Variants in CUX1 observed in about 807,000 individuals in gnomAD.
CUX1 encodes the protein cut like homeobox 1.
A neutral mutation model predicts 158.8 loss-of-function variants in CUX1; 31 were observed. The observed-to-expected ratio is 0.20, with a 90% CI of 0.15 to 0.26. CUX1 has a LOEUF of 0.26. Ranked by LOEUF, CUX1 falls within the 10% of genes least tolerant of loss-of-function variation. The pLI is 1.00. For synonymous variants in CUX1, 879 were observed against 862.1 expected, an observed-to-expected ratio of 1.02 and a Z score of -0.34; for missense variants, 1,589 against 2,014.6, an observed-to-expected ratio of 0.79 and a Z score of 4.04.
At chr7:102,127,102 G>A (rs541752138) in intron 8 of CUX1, among the ~76,000 whole-genome samples, 5 of 152,248 alleles carry the variant, frequency 3.3e-5, no homozygotes, top group Non-Finnish European at 7.3e-5. Flanking sequence ...TACAGACGAA[G>A]CTTCCCTCCT....
intron 15 of CUX1, chr7:102,274,162 C>A: frequency 7.2e-7 from 1 of 1,390,150 alleles, no homozygotes; most frequent in South Asian, 1.2e-5. Flanking sequence ...CCCACCCTGC[C>A]ATTTGCCTTG....
At chr7:101,868,827 G>T (rs931954761) in intron 1 of CUX1, among the ~76,000 whole-genome samples, 1 of 148,794 alleles carries the variant, frequency 6.7e-6, no homozygotes, top group African/African-American at 2.6e-5. Context: ...CATTTGTCGT[G>T]GGGGGATGGG....
At chr7:101,986,523 C>G (rs901839614) in intron 2 of CUX1, among the ~76,000 whole-genome samples, 2 of 152,166 alleles carry the variant, frequency 1.3e-5, no homozygotes, top group Admixed American at 6.5e-5. Flanking sequence ...CTTAATCTTC[C>G]CAAGGAGGAT....
chr7:101,864,073 G>A (rs4729755), intron 1 of CUX1, among the ~76,000 whole-genome samples: 59,696 of 151,874 alleles, frequency 0.39, 12,967 homozygotes, highest in East Asian at 0.89. Context: ...GTGGAATTCT[G>A]TTTGGGTTGC....
chr7:102,044,409 C>T (rs1413505089), intron 3 of CUX1, among the ~76,000 whole-genome samples: 2 of 150,884 alleles, frequency 1.3e-5, no homozygotes, highest in African/African-American at 2.4e-5. Flanking sequence ...AGGCTGGTCT[C>T]GAACTCCTGA....
In CUX1 at chr7:102,196,587, C is replaced by T. The variant is rs782047704; in HGVS notation, c.1223-47C>T. 2.9e-6 allele frequency: 4 copies of T among 1,396,816 alleles called. No individual in the cohort carries two copies. In the South Asian group the frequency reaches 8.4e-5, roughly 29 times the overall value. 86.5% of individuals were successfully genotyped at this position (1,396,816 alleles called of 1,614,324 possible). A position where few individuals can be genotyped will look rare whatever the true frequency, so the allele number is the denominator to read the frequency against. Reference sequence around the variant, plus strand: ...GCATTTTGGTCTTGGTTTTTTTTTCCCCCTTTGGAATCCCCCATAATGCAT... The same window carrying T: ...GCATTTTGGTCTTGGTTTTTTTTTCTCCCTTTGGAATCCCCCATAATGCAT... On this transcript the variant is annotated intron_variant, in intron 14 of 23. Coordinates refer to ENST00000292535, the MANE Select transcript of CUX1 (RefSeq NM_181552.4).
At chr7:102,246,480 A>G (rs1296403311) in intron 23 of CUX1, among the ~76,000 whole-genome samples, 2 of 152,206 alleles carry the variant, frequency 1.3e-5, no homozygotes, top group African/African-American at 2.4e-5. Flanking sequence ...ACCAGAGTTC[A>G]ATACCCTGGG....
intron 1 of CUX1, among the ~76,000 whole-genome samples, chr7:101,879,796 C>T (rs917593236): frequency 3.3e-5 from 5 of 152,260 alleles, no homozygotes; most frequent in African/African-American, 1.2e-4. Context: ...GCTCCTGCCC[C>T]AAGGCAGCGT....
chr7:102,034,500 A>C (rs542643517), intron 3 of CUX1, among the ~76,000 whole-genome samples: 17 of 152,264 alleles, frequency 1.1e-4, no homozygotes, highest in East Asian at 1.9e-4. Flanking sequence ...CACACCTGTA[A>C]TCCCAGCACT....
At chr7:101,867,210 C>CT (rs1289163916) in intron 1 of CUX1, among the ~76,000 whole-genome samples, 1 of 152,152 alleles carries the variant, frequency 6.6e-6, no homozygotes, top group Non-Finnish European at 1.5e-5. Context: ...GAGCAAGACT[C>CT]TGTCTTGAAA....
At chr7:102,283,502 A>C in exon 23 of CUX1, 2 of 191,014 alleles carry the variant, frequency 1.0e-5, no homozygotes, top group Non-Finnish European at 1.1e-5. Context: ...GGATCCCCCC[A>C]TGCCCCGTAA....
rs71119798 is a variant in CUX1, at chr7:101,984,148, A to ATGTG, written c.142-43926_142-43923dup. Among the ~76,000 whole-genome samples the ATGTG allele has an allele frequency of 1.7e-3, 131 of 75,314 alleles. 7 individuals are homozygous for ATGTG. The highest frequency in any genetic ancestry group is 6.6e-3 in the Middle Eastern group (1 of 152). 49.4% of individuals were successfully genotyped at this position (75,314 alleles called of 152,430 possible). On this transcript the variant is annotated intron_variant, in intron 2 of 23. Transcript: ENST00000292535. ...TATATATACACACACACATATATAT[A>ATGTG]TGTGTGTGTGTGTGTGTGTGTGTGT...
intron 1 of CUX1, among the ~76,000 whole-genome samples, chr7:101,835,970 C>T (rs1794577678): frequency 6.6e-6 from 1 of 152,178 alleles, no homozygotes; most frequent in Non-Finnish European, 1.5e-5. Context: ...CTCAGGTGAC[C>T]CACCCACCTG....
At chr7:102,035,560 A>C (rs1821332515) in intron 3 of CUX1, among the ~76,000 whole-genome samples, 1 of 151,856 alleles carries the variant, frequency 6.6e-6, no homozygotes, top group Non-Finnish European at 1.5e-5. Context: ...TACTAGATAC[A>C]AAATCAATAT....
chr7:102,082,926 A>C (rs1368941496), intron 4 of CUX1, among the ~76,000 whole-genome samples: 1 of 147,742 alleles, frequency 6.8e-6, no homozygotes, highest in Non-Finnish European at 1.5e-5. Context: ...AAGTTGTTAC[A>C]TAGGTATATG....
At chr7:101,924,174 G>A (rs1805311650) in intron 2 of CUX1, among the ~76,000 whole-genome samples, 1 of 152,072 alleles carries the variant, frequency 6.6e-6, no homozygotes, top group South Asian at 2.1e-4. Flanking sequence ...GAGGACAGAG[G>A]ATGGGAAGAT....
intron 8 of CUX1, among the ~76,000 whole-genome samples, chr7:102,144,373 C>G (rs1554501305): frequency 6.6e-6 from 1 of 152,020 alleles, no homozygotes. Context: ...GTCAGCATCT[C>G]CCGTTCATGG....
downstream of CUX1, among the ~76,000 whole-genome samples, chr7:102,262,606 T>C (rs1213481199): frequency 6.6e-6 from 1 of 152,126 alleles, no homozygotes; most frequent in African/African-American, 2.4e-5. Flanking sequence ...CCAGGCCCCA[T>C]CTCCTGGGGT....
intron 1 of CUX1, among the ~76,000 whole-genome samples, chr7:101,828,876 T>C (rs1448688983): frequency 1.3e-5 from 2 of 149,534 alleles, no homozygotes; most frequent in African/African-American, 5.0e-5. Context: ...GGGGTGGGCT[T>C]AGCATCTGCA....
Sources: allele counts gnomAD v4.1 joint callset (sites outside exome capture counted in the v4.1 genomes callset), GRCh38; gene constraint gnomAD v4.1.1; transcripts MANE v1.5; gene names NCBI Gene and HGNC (gene_info 2026-07-23, HGNC 2026-07-21).